Variants in FAM219A observed in about 807,000 individuals in gnomAD.
FAM219A encodes the protein family with sequence similarity 219 member A.
A neutral mutation model predicts 23.4 loss-of-function variants in FAM219A; 7 were observed. That is an observed-to-expected ratio of 0.30 (90% CI 0.17 to 0.56). FAM219A has a LOEUF of 0.56. FAM219A is among the 20% of genes least tolerant of loss of function. The pLI, the probability that FAM219A is intolerant of heterozygous loss-of-function variation, is 0.92. For missense variants in FAM219A, 166 were observed against 246.9 expected (o/e 0.67, Z 2.20); for synonymous variants, 93 against 99.0 (o/e 0.94, Z 0.36).
intron 1 of FAM219A, among the ~76,000 whole-genome samples, chr9:34,454,054 T>C (rs1823651003): frequency 6.6e-6 from 1 of 152,190 alleles, no homozygotes; most frequent in African/African-American, 2.4e-5. Flanking sequence ...GAATCTGTGC[T>C]CAGAAACACT....
chr9:34,406,826 G>A (rs1393683339), intron 1 of FAM219A, among the ~76,000 whole-genome samples: 5 of 142,528 alleles, frequency 3.5e-5, no homozygotes, highest in East Asian at 4.1e-4. Flanking sequence ...TTTTTGAGAC[G>A]GAGTCTTGCT....
rs552981191 is a variant in FAM219A, at chr9:34,442,504, G to A, written c.60+15700C>T. Among the ~76,000 whole-genome samples the A allele has an allele frequency of 7.2e-5, 11 of 152,212 alleles. No individual in the cohort carries two copies. In the South Asian group the frequency reaches 1.7e-3, roughly 23 times the overall value. On this transcript the variant is annotated intron_variant, in intron 1 of 5. Transcript: ENST00000651358. ...GTTTGAGACCAGCCTGGAAAACATG[G>A]CAAAACTCTGTCTCTACTGAAAATA...
chr9:34,418,692 C>T (rs185387442), intron 1 of FAM219A, among the ~76,000 whole-genome samples: 1 of 152,156 alleles, frequency 6.6e-6, no homozygotes, highest in Non-Finnish European at 1.5e-5. Flanking sequence ...CTCGCCTCCC[C>T]CATTTCAATC....
chr9:34,410,450 C>G (rs1214379600), intron 1 of FAM219A, among the ~76,000 whole-genome samples: 1 of 152,178 alleles, frequency 6.6e-6, no homozygotes, highest in Non-Finnish European at 1.5e-5. Flanking sequence ...ATGGAAGAGT[C>G]TGCTTTCCTG....
chr9:34,453,743 G>A (rs1823641557), intron 1 of FAM219A, among the ~76,000 whole-genome samples: 1 of 152,142 alleles, frequency 6.6e-6, no homozygotes, highest in Non-Finnish European at 1.5e-5. Context: ...CAGGAGGCAG[G>A]GTGTTGCCTG....
chr9:34,420,808 C>G (rs192067152), intron 1 of FAM219A, among the ~76,000 whole-genome samples: 2 of 151,778 alleles, frequency 1.3e-5, no homozygotes, highest in East Asian at 3.9e-4. Context: ...GAGACCCCAT[C>G]TCTACAAAAA....
intron 1 of FAM219A, among the ~76,000 whole-genome samples, chr9:34,449,050 C>T (rs1309308897): frequency 6.6e-6 from 1 of 150,480 alleles, no homozygotes; most frequent in Non-Finnish European, 1.5e-5. Flanking sequence ...AAGTAAAGTA[C>T]TAGCTGGGTG....
At position 34,417,229 on chromosome 9, in the gene FAM219A, T is replaced by C. The variant is rs1396340603; in HGVS notation, c.61-11265A>G. 6.6e-6 allele frequency among the ~76,000 whole-genome samples: 1 copy of C among 152,074 alleles called. No homozygotes were observed. Among genetic ancestry groups the C allele is most frequent in the Non-Finnish European group, 1.5e-5 (1 of 68,010 alleles). On this transcript the variant is annotated intron_variant, in intron 1 of 5. Coordinates refer to ENST00000651358, the MANE Select transcript of FAM219A (RefSeq NM_001184940.2). This position sits in a 1 kb window ranked among gnomAD's most constrained non-coding sequence, Gnocchi z 4.1. ...ATCTGGCTAATTTTTGTATTTTTAG[T>C]AGAGACAGGATTTTGCCATGTTGGC...
At chr9:34,426,081 G>A (rs1408889413) in intron 1 of FAM219A, among the ~76,000 whole-genome samples, 1 of 152,106 alleles carries the variant, frequency 6.6e-6, no homozygotes, top group African/African-American at 2.4e-5. Flanking sequence ...TAGTTATAAG[G>A]CCTTCACATC....
intron 1 of FAM219A, among the ~76,000 whole-genome samples, chr9:34,421,960 GCTCTAGGCCAGCCT>G (rs1456212027): frequency 6.6e-6 from 1 of 152,126 alleles, no homozygotes; most frequent in Non-Finnish European, 1.5e-5. Flanking sequence ...GAATAGTGTG[GCTCTAGGCCAGCCT>G]CTCTACGCCC....
intron 1 of FAM219A, among the ~76,000 whole-genome samples, chr9:34,440,850 CAA>C (rs556766532): frequency 3.4e-4 from 30 of 88,184 alleles, no homozygotes; most frequent in Admixed American, 4.9e-4. Context: ...GACTCGGTCT[CAA>C]AAAAAAAAAA....
At chr9:34,418,852 T>C (rs998530890) in intron 1 of FAM219A, among the ~76,000 whole-genome samples, 61 of 152,228 alleles carry the variant, frequency 4.0e-4, no homozygotes, top group Non-Finnish European at 2.1e-4. Context: ...GGTGGATCAC[T>C]TGAGGCCAGG....
At chr9:34,435,729 T>C (rs1822881149) in intron 1 of FAM219A, among the ~76,000 whole-genome samples, 1 of 152,220 alleles carries the variant, frequency 6.6e-6, no homozygotes, top group Non-Finnish European at 1.5e-5. Context: ...ACATCCTCCT[T>C]TTAAAAGGCT....
At chr9:34,405,483 C>T (rs1430918118) in intron 2 of FAM219A, among the ~76,000 whole-genome samples, 3 of 152,186 alleles carry the variant, frequency 2.0e-5, no homozygotes, top group African/African-American at 7.2e-5. Flanking sequence ...AGGGTTGGAA[C>T]TCTCTTTCCT....
chr9:34,413,122 C>A (rs1201684709), intron 1 of FAM219A, among the ~76,000 whole-genome samples: 1 of 151,134 alleles, frequency 6.6e-6, no homozygotes, highest in African/African-American at 2.4e-5. Context: ...AACTTTGGAC[C>A]ATGGGAGGGA....
chr9:34,418,000 C>T lies in FAM219A; in HGVS notation c.61-12036G>A, dbSNP rs377665967. On this transcript the variant is annotated intron_variant, in intron 1 of 5. Coordinates refer to ENST00000651358, the MANE Select transcript of FAM219A (RefSeq NM_001184940.2). This position sits in a 1 kb window ranked among gnomAD's most constrained non-coding sequence, Gnocchi z 4.1. ...GCTGTAGGAACCGTGACGGTAATTG[C>T]GGAGCCAGAAAGCAAATCTCACAGA... 2.0e-4 allele frequency among the ~76,000 whole-genome samples: 31 copies of T among 152,274 alleles called. No individual in the cohort carries two copies. In the East Asian group the frequency reaches 3.7e-3, roughly 18 times the overall value.
Position 34,399,730 on chromosome 9 carries a change from T to C in FAM219A, c.*1234A>G, listed in dbSNP as rs1206025833. The C allele has an allele frequency of 1.3e-5, 2 of 152,200 alleles. No homozygotes were observed. The highest frequency in any genetic ancestry group is 2.4e-5 in the African/African-American group (1 of 41,430). 9.4% of individuals were successfully genotyped at this position (152,200 alleles called of 1,614,324 possible). A position where few individuals can be genotyped will look rare whatever the true frequency, so the allele number is the denominator to read the frequency against. On this transcript the variant is annotated 3_prime_UTR_variant, in exon 6 of 6. Transcript: ENST00000651358. ...CTGTTCATTTTCTAGTTGAGGAAAC[T>C]GAAGACGAGAGAAAGCAAGTGGCTT...
At chr9:34,444,931 T>C (rs985848058) in intron 1 of FAM219A, among the ~76,000 whole-genome samples, 1 of 152,270 alleles carries the variant, frequency 6.6e-6, no homozygotes, top group Non-Finnish European at 1.5e-5. Flanking sequence ...TGCCAGCTTA[T>C]GAAGGTAGGT....
intron 1 of FAM219A, among the ~76,000 whole-genome samples, chr9:34,442,696 AC>A (rs1823225134): frequency 3.4e-5 from 5 of 146,980 alleles, no homozygotes; most frequent in Admixed American, 6.8e-5. Context: ...AAAAAAAAAA[AC>A]AAAAAAAAAG....
Sources: allele counts gnomAD v4.1 joint callset (sites outside exome capture counted in the v4.1 genomes callset), GRCh38; gene constraint gnomAD v4.1.1; non-coding constraint Gnocchi (gnomAD v3.1); transcripts MANE v1.5; gene names NCBI Gene and HGNC (gene_info 2026-07-23, HGNC 2026-07-21).